KCNJ6: variants seen among roughly 807,000 people sequenced by gnomAD.
KCNJ6 encodes the protein G protein-activated inward rectifier potassium channel 2.
A neutral mutation model predicts 34.2 loss-of-function variants in KCNJ6; 9 were observed. The observed-to-expected ratio is 0.26, with a 90% CI of 0.16 to 0.46. The LOEUF is 0.46. Ranked by LOEUF, KCNJ6 falls within the 20% of genes least tolerant of loss-of-function variation. KCNJ6 has a pLI of 1.00. For missense variants in KCNJ6, 236 were observed against 531.3 expected (o/e 0.44, Z 5.46); for synonymous variants, 196 against 207.1 (o/e 0.95, Z 0.46).
chr21:37,677,480 C>T (rs1310632296), intron 3 of KCNJ6, among the ~76,000 whole-genome samples: 1 of 151,976 alleles, frequency 6.6e-6, no homozygotes, highest in Non-Finnish European at 1.5e-5. Context: ...TTTATTTGAC[C>T]TTTCCTTTCT....
chr21:37,698,895 C>T (rs1034508893), intron 3 of KCNJ6, among the ~76,000 whole-genome samples: 1 of 152,124 alleles, frequency 6.6e-6, no homozygotes, highest in Non-Finnish European at 1.5e-5. Context: ...GATGGGGTTT[C>T]ACCATCTTGG....
At chr21:37,673,933 G>C (rs2054553001) in intron 3 of KCNJ6, among the ~76,000 whole-genome samples, 1 of 152,174 alleles carries the variant, frequency 6.6e-6, no homozygotes. Context: ...AGCTGATGCT[G>C]TTCCCTCAGG....
At chr21:37,739,662 G>A (rs1165344729) in intron 2 of KCNJ6, among the ~76,000 whole-genome samples, 2 of 152,082 alleles carry the variant, frequency 1.3e-5, no homozygotes, top group African/African-American at 4.8e-5. Context: ...ATGCAAGCTC[G>A]TGTCAGCTTT....
intron 2 of KCNJ6, among the ~76,000 whole-genome samples, chr21:37,765,203 A>G (rs1274855694): frequency 6.6e-6 from 1 of 152,202 alleles, no homozygotes; most frequent in African/African-American, 2.4e-5. Flanking sequence ...TGGTGGAAAC[A>G]CTTCATATGA....
At chr21:37,720,899 G>A (rs935866299) in intron 2 of KCNJ6, among the ~76,000 whole-genome samples, 3 of 150,866 alleles carry the variant, frequency 2.0e-5, no homozygotes, top group African/African-American at 7.3e-5. Context: ...AGTAGAGACG[G>A]GGTTTCACCT....
intron 2 of KCNJ6, among the ~76,000 whole-genome samples, chr21:37,740,534 G>A (rs115270482): frequency 0.074 from 11,222 of 152,130 alleles, 447 homozygotes; most frequent in African/African-American, 0.093. Context: ...CGCCTTTCTG[G>A]ACTGAACCAA....
chr21:37,706,113 C>T (rs1383478013), intron 3 of KCNJ6, among the ~76,000 whole-genome samples: 2 of 152,214 alleles, frequency 1.3e-5, no homozygotes, highest in Non-Finnish European at 2.9e-5. Context: ...AAAGTTTCCA[C>T]CAGAGGGATA....
intron 3 of KCNJ6, among the ~76,000 whole-genome samples, chr21:37,693,227 T>C (rs1011679242): frequency 3.4e-5 from 5 of 146,328 alleles, no homozygotes; most frequent in Non-Finnish European, 7.5e-5. Flanking sequence ...GTAGAACTGA[T>C]GTTTTAGGCA....
chr21:37,811,198 G>C (rs2123542724), intron 2 of KCNJ6, among the ~76,000 whole-genome samples: 2 of 152,196 alleles, frequency 1.3e-5, no homozygotes, highest in South Asian at 4.2e-4. Flanking sequence ...CAACTCCATG[G>C]GGATAGGAAC....
chr21:37,675,765 A>AC lies in KCNJ6; in HGVS notation c.946+38445dup, dbSNP rs769852417. Among the ~76,000 whole-genome samples the AC allele has an allele frequency of 1.1e-4, 16 of 152,202 alleles. No homozygotes were observed. The South Asian group carries it at 2.1e-3, about 20-fold the overall frequency. The stretch of plus-strand genomic sequence containing the variant: ...CACCAAAAGAAGAATTTGGAGGTCC[A>AC]CCCCTAAACAGTCCATCACTGTTAC... On this transcript the variant is annotated intron_variant, in intron 3 of 3. Transcript: ENST00000609713. This position sits in a 1 kb window ranked among gnomAD's most constrained non-coding sequence, Gnocchi z 4.2.
At chr21:37,875,425 C>T (rs2055673176) in intron 1 of KCNJ6, among the ~76,000 whole-genome samples, 1 of 152,050 alleles carries the variant, frequency 6.6e-6, no homozygotes, top group Non-Finnish European at 1.5e-5. Flanking sequence ...GCTTTTTGAC[C>T]CCAAGCCAAC....
intron 1 of KCNJ6, among the ~76,000 whole-genome samples, chr21:37,896,642 G>A (rs547115372): frequency 8.5e-5 from 13 of 152,262 alleles, no homozygotes; most frequent in African/African-American, 1.4e-4. Context: ...TGTCACCCCC[G>A]ATTCCTGGGG....
chr21:37,844,861 T>C (rs558669519), intron 1 of KCNJ6, among the ~76,000 whole-genome samples: 33 of 152,312 alleles, frequency 2.2e-4, no homozygotes, highest in South Asian at 8.3e-4. Flanking sequence ...TGTTATGGCA[T>C]TGAGGGACTC....
At chr21:37,686,258 C>T (rs574038318) in intron 3 of KCNJ6, among the ~76,000 whole-genome samples, 23 of 152,082 alleles carry the variant, frequency 1.5e-4, no homozygotes, top group Non-Finnish European at 2.8e-4. Flanking sequence ...TCTTGATACC[C>T]GGTTGAGGAG....
chr21:37,650,755 C>T (rs142935844), intron 3 of KCNJ6, among the ~76,000 whole-genome samples: 1 of 152,324 alleles, frequency 6.6e-6, no homozygotes, highest in Non-Finnish European at 1.5e-5. Flanking sequence ...TGGCATAAGT[C>T]TTCCTTCCCC....
intron 1 of KCNJ6, among the ~76,000 whole-genome samples, chr21:37,902,362 C>T (rs1479767948): frequency 1.3e-5 from 2 of 152,216 alleles, no homozygotes; most frequent in Non-Finnish European, 2.9e-5. Context: ...AAGAAGAAAG[C>T]TCTTTCCCAT....
intron 2 of KCNJ6, among the ~76,000 whole-genome samples, chr21:37,777,850 A>G (rs572181096): frequency 3.9e-5 from 6 of 152,308 alleles, no homozygotes; most frequent in Middle Eastern, 6.8e-3. Flanking sequence ...CTTGGGAAAG[A>G]ATCTTAACCT....
At chr21:37,637,635 A>G (rs2054363816) in intron 3 of KCNJ6, among the ~76,000 whole-genome samples, 2 of 152,210 alleles carry the variant, frequency 1.3e-5, no homozygotes, top group African/African-American at 4.8e-5. Context: ...AGACAGATTA[A>G]GTAACTTCTC....
chr21:37,755,498 A>G (rs778162257), intron 2 of KCNJ6, among the ~76,000 whole-genome samples: 1 of 152,306 alleles, frequency 6.6e-6, no homozygotes, highest in African/African-American at 2.4e-5. Context: ...CCCAAAAAGA[A>G]AGGCAGGAGA....
Sources: allele counts gnomAD v4.1 joint callset (sites outside exome capture counted in the v4.1 genomes callset), GRCh38; gene constraint gnomAD v4.1.1; non-coding constraint Gnocchi (gnomAD v3.1); transcripts MANE v1.5; gene names NCBI Gene and HGNC (gene_info 2026-07-23, HGNC 2026-07-21).